SUPT3H: variants seen among roughly 807,000 people sequenced by gnomAD.
The protein encoded by SUPT3H is transcription initiation protein SPT3 homolog.
A neutral mutation model predicts 44.3 loss-of-function variants in SUPT3H; 44 were observed. The ratio of observed to expected loss-of-function variants is 0.99; its 90% CI spans 0.78 to 1.28. The LOEUF (loss-of-function observed/expected upper bound fraction) is 1.28. Among genes scored for constraint, SUPT3H ranks in the 50% most tolerant of loss-of-function variants. SUPT3H has a pLI of 0.00. For missense variants in SUPT3H, 380 were observed against 387.1 expected (o/e 0.98, Z 0.15); for synonymous variants, 124 against 125.6 (o/e 0.99, Z 0.09).
At chr6:45,336,109 A>C (rs1368182399) in intron 2 of SUPT3H, among the ~76,000 whole-genome samples, 1 of 151,326 alleles carries the variant, frequency 6.6e-6, no homozygotes, top group South Asian at 2.1e-4. Context: ...GTCCACCCAG[A>C]ATTCTTCTAT....
chr6:44,848,774 G>A (rs1772340419), intron 10 of SUPT3H, among the ~76,000 whole-genome samples: 1 of 152,296 alleles, frequency 6.6e-6, no homozygotes, highest in East Asian at 1.9e-4. Flanking sequence ...CATTTTAGAT[G>A]AGAAACTGTG....
At chr6:44,809,221 A>ATATTCTCC (rs1213288561), downstream of SUPT3H, 1 of 152,232 alleles carries the variant, frequency 6.6e-6, no homozygotes, top group African/African-American at 2.4e-5. Flanking sequence ...AAACGCTTTG[A>ATATTCTCC]TATTCTCCAC....
chr6:44,924,981 T>A (rs1018466192), intron 10 of SUPT3H, among the ~76,000 whole-genome samples: 1 of 152,200 alleles, frequency 6.6e-6, no homozygotes, highest in African/African-American at 2.4e-5. Context: ...AATGTGCTCA[T>A]GACATAAATA....
At chr6:44,819,609 T>G (rs868580524) in intron 11 of SUPT3H, among the ~76,000 whole-genome samples, 1 of 150,972 alleles carries the variant, frequency 6.6e-6, no homozygotes, top group Non-Finnish European at 1.5e-5. Context: ...CTGAGCAACA[T>G]AGTGAGACCC....
chr6:44,842,288 G>A (rs979124780), intron 10 of SUPT3H, among the ~76,000 whole-genome samples: 5 of 152,094 alleles, frequency 3.3e-5, no homozygotes, highest in African/African-American at 9.7e-5. Context: ...TATTACACAG[G>A]AGTCTCACTT....
chr6:45,029,374 AAT>A (rs940796109), intron 3 of SUPT3H, among the ~76,000 whole-genome samples: 6 of 150,482 alleles, frequency 4.0e-5, no homozygotes, highest in South Asian at 2.1e-4. Context: ...TATTCTTTAA[AAT>A]ATGTGTGTGT....
chr6:44,961,709 A>T, intron 7 of SUPT3H, 44 bp downstream of exon 7: 1 of 1,442,946 alleles, frequency 6.9e-7, no homozygotes, highest in Non-Finnish European at 9.6e-7. Flanking sequence ...CTATAACACA[A>T]ATCTCTTATG....
chr6:45,292,332 C>A (rs917364058), intron 2 of SUPT3H, among the ~76,000 whole-genome samples: 1 of 151,958 alleles, frequency 6.6e-6, no homozygotes, highest in African/African-American at 2.4e-5. Context: ...CAAAATAGAA[C>A]CACTTTAAAG....
At chr6:45,059,702 C>G (rs1448331953) in intron 3 of SUPT3H, among the ~76,000 whole-genome samples, 2 of 152,034 alleles carry the variant, frequency 1.3e-5, no homozygotes, top group East Asian at 1.9e-4. Flanking sequence ...CGTCTCAGTT[C>G]AAAAGCTTCT....
At position 45,095,087 on chromosome 6, in the gene SUPT3H, A is replaced by G. The variant is rs1368799077; in HGVS notation, c.186+10835T>C. The stretch of plus-strand genomic sequence containing the variant: ...GACTACCTCATATTCCATTCATGTA[A>G]ACACAGAGTGTGTTCTGGTTTGCTG... On this transcript the variant is annotated intron_variant, in intron 3 of 10. Transcript: ENST00000371459. The surrounding 1 kb of genome is among the most constrained non-coding windows in gnomAD (Gnocchi z 4.1). Among the ~76,000 whole-genome samples the G allele has an allele frequency of 6.6e-6, 1 of 152,082 alleles. No individual in the cohort carries two copies. The highest frequency in any genetic ancestry group is 1.5e-5 in the Non-Finnish European group (1 of 67,970).
intron 9 of SUPT3H, among the ~76,000 whole-genome samples, chr6:44,945,163 A>G (rs1773141480): frequency 6.6e-6 from 1 of 152,144 alleles, no homozygotes; most frequent in East Asian, 1.9e-4. Context: ...GGCGCCACGA[A>G]CTGTATTCAT....
At chr6:45,226,903 G>A (rs1429071575) in intron 2 of SUPT3H, among the ~76,000 whole-genome samples, 1 of 152,042 alleles carries the variant, frequency 6.6e-6, no homozygotes, top group East Asian at 1.9e-4. Context: ...GGGAGGCTGA[G>A]GTGGGGGAAT....
chr6:45,072,645 T>TG (rs1562398193), intron 3 of SUPT3H, among the ~76,000 whole-genome samples: 1 of 152,030 alleles, frequency 6.6e-6, no homozygotes. Context: ...CACTTCAGCA[T>TG]AAAAAGGAGG....
chr6:45,326,919 A>G (rs1177946183), intron 2 of SUPT3H, among the ~76,000 whole-genome samples: 1 of 151,966 alleles, frequency 6.6e-6, no homozygotes, highest in African/African-American at 2.4e-5. Flanking sequence ...GAAGAAGTCT[A>G]ACATGCAGAT....
At chr6:45,224,875 A>G (rs1341649006) in intron 2 of SUPT3H, among the ~76,000 whole-genome samples, 2 of 152,128 alleles carry the variant, frequency 1.3e-5, no homozygotes, top group Non-Finnish European at 2.9e-5. Flanking sequence ...ATTTATTATA[A>G]TATCTATCAT....
At chr6:45,290,455 T>TAAAA in intron 2 of SUPT3H, among the ~76,000 whole-genome samples, 1 of 85,968 alleles carries the variant, frequency 1.2e-5, no homozygotes, top group Admixed American at 1.1e-4. Flanking sequence ...GCATGGATGA[T>TAAAA]CAAAAAAAAA....
intron 3 of SUPT3H, among the ~76,000 whole-genome samples, chr6:45,048,221 C>CTTTTTTTTTTTTTT (rs67557043): frequency 1.1e-5 from 1 of 88,196 alleles, no homozygotes; most frequent in African/African-American, 6.2e-5. Flanking sequence ...TCTCTCTACT[C>CTTTTTTTTTTTTTT]TTTTTTTTTT....
intron 3 of SUPT3H, among the ~76,000 whole-genome samples, chr6:45,037,737 G>C (rs767730777): frequency 6.7e-6 from 1 of 150,012 alleles, no homozygotes; most frequent in East Asian, 2.0e-4. Flanking sequence ...AATAAAAGGG[G>C]TAGTTTATTT....
intron 3 of SUPT3H, among the ~76,000 whole-genome samples, chr6:45,039,375 C>T (rs1788162865): frequency 6.6e-6 from 1 of 151,986 alleles, no homozygotes; most frequent in Non-Finnish European, 1.5e-5. Flanking sequence ...AAAATCAAAA[C>T]AAAATAGCAA....
Sources: allele counts gnomAD v4.1 joint callset (sites outside exome capture counted in the v4.1 genomes callset), GRCh38; gene constraint gnomAD v4.1.1; non-coding constraint Gnocchi (gnomAD v3.1); transcripts MANE v1.5; gene names NCBI Gene and HGNC (gene_info 2026-07-23, HGNC 2026-07-21).